Variants in LTBP1 observed in about 807,000 individuals in gnomAD.
LTBP1 encodes latent-transforming growth factor beta-binding protein 1.
In LTBP1, 129 loss-of-function variants were observed where a neutral mutation model predicts 207.6. The observed-to-expected ratio is 0.62, with a 90% CI of 0.54 to 0.72. The LOEUF (loss-of-function observed/expected upper bound fraction) is 0.72. Ranked by LOEUF, LTBP1 falls within the 30% of genes least tolerant of loss-of-function variation. The pLI, the probability that LTBP1 is intolerant of heterozygous loss-of-function variation, is 0.00. For missense variants in LTBP1, 2,281 were observed against 2,217.2 expected, an observed-to-expected ratio of 1.03 and a Z score of -0.58; for synonymous variants, 963 against 833.7, an observed-to-expected ratio of 1.16 and a Z score of -2.67.
chr2:33,243,613 G>T, intron 9 of LTBP1, 49 bp from the exon 10 acceptor site: 1 of 1,597,186 alleles, frequency 6.3e-7, no homozygotes, highest in Non-Finnish European at 8.6e-7. Flanking sequence ...GCCAGAATCT[G>T]CTCAATGGGG....
At chr2:33,168,399 C>CAAAAAAAA (rs10616798) in intron 5 of LTBP1, among the ~76,000 whole-genome samples, 5 of 103,772 alleles carry the variant, frequency 4.8e-5, no homozygotes, top group Non-Finnish European at 7.9e-5. Flanking sequence ...GTCTTTGTCT[C>CAAAAAAAA]AAAAAAAAAA....
intron 3 of LTBP1, among the ~76,000 whole-genome samples, chr2:33,067,567 A>G (rs989572817): frequency 2.0e-5 from 3 of 152,264 alleles, no homozygotes; most frequent in African/African-American, 7.2e-5. Flanking sequence ...AACAAATGGC[A>G]TCTGTACTGA....
intron 20 of LTBP1, among the ~76,000 whole-genome samples, chr2:33,295,859 C>T (rs185846282): frequency 2.0e-5 from 3 of 152,262 alleles, no homozygotes; most frequent in Admixed American, 6.5e-5. Flanking sequence ...CTGTAAGAAT[C>T]GAGGCCTCTT....
chr2:33,237,344 T>C (rs933697844), intron 9 of LTBP1, among the ~76,000 whole-genome samples: 4 of 152,226 alleles, frequency 2.6e-5, no homozygotes, highest in African/African-American at 9.6e-5. Context: ...AGAACCCCTC[T>C]TTTAGCAGAG....
In LTBP1 at chr2:33,117,221, G is replaced by C. The variant is rs151195509; in HGVS notation, c.1033+6470G>C. Among the ~76,000 whole-genome samples, 499 of 152,330 alleles carry C rather than the reference G, an allele frequency of 3.3e-3. 5 individuals are homozygous for C. The highest frequency in any genetic ancestry group is 0.011 in the African/African-American group (459 of 41,580). The stretch of plus-strand genomic sequence containing the variant: ...CGCAGTCCATAGTTCCACACTAAGA[G>C]AAGTACGGCTGCTTTGGACACACGA... On this transcript the variant is annotated intron_variant, in intron 4 of 33. Coordinates refer to ENST00000404816, the MANE Select transcript of LTBP1 (RefSeq NM_206943.4).
At chr2:33,008,981 GT>G (rs1687309404) in intron 2 of LTBP1, among the ~76,000 whole-genome samples, 1 of 152,220 alleles carries the variant, frequency 6.6e-6, no homozygotes, top group Non-Finnish European at 1.5e-5. Flanking sequence ...ACTCAAGGGA[GT>G]GCAAGGAAAT....
intron 19 of LTBP1, among the ~76,000 whole-genome samples, chr2:33,289,864 G>C (rs2093739500): frequency 6.6e-6 from 1 of 152,278 alleles, no homozygotes; most frequent in East Asian, 1.9e-4. Flanking sequence ...CTCTGCTTCA[G>C]GGAAAAGGCA....
chr2:33,167,438 A>G (rs962259251), intron 5 of LTBP1, among the ~76,000 whole-genome samples: 7 of 152,076 alleles, frequency 4.6e-5, no homozygotes, highest in African/African-American at 1.4e-4. Context: ...GGGATGAGCA[A>G]CTGAAAAAGA....
Position 33,079,660 on chromosome 2 carries a change from T to G in LTBP1, c.864-30922T>G, listed in dbSNP as rs1300966012. ...AAATAACCAGTTGCACCCTGCTTTC[T>G]GTGGCACTGCAGACTTCTCCCAGTT... On this transcript the variant is annotated intron_variant, in intron 3 of 33. Coordinates refer to ENST00000404816, the MANE Select transcript of LTBP1 (RefSeq NM_206943.4). 2.6e-5 allele frequency among the ~76,000 whole-genome samples: 4 copies of G among 152,176 alleles called. No homozygotes were observed. The East Asian group carries it at 7.7e-4, about 29-fold the overall frequency.
At chr2:33,323,890 G>C (rs1160666262) in intron 24 of LTBP1, among the ~76,000 whole-genome samples, 2 of 152,112 alleles carry the variant, frequency 1.3e-5, no homozygotes, top group Admixed American at 1.3e-4. Context: ...GTGTAGTAGT[G>C]GCTAAGAAGT....
At chr2:33,272,863 GT>G (rs1191443621) in intron 15 of LTBP1, among the ~76,000 whole-genome samples, 4 of 151,200 alleles carry the variant, frequency 2.6e-5, no homozygotes, top group South Asian at 2.1e-4. Flanking sequence ...GAGTCCTTGG[GT>G]TTTTTTTTGA....
intron 26 of LTBP1, among the ~76,000 whole-genome samples, chr2:33,354,695 C>A (rs1446973558): frequency 9.2e-6 from 1 of 108,704 alleles, no homozygotes; most frequent in East Asian, 3.0e-4. Flanking sequence ...CACACACACA[C>A]ACACACACAC....
Position 33,309,249 on chromosome 2 carries a change from C to G in LTBP1, c.3482-185C>G, listed in dbSNP as rs141401668. Among the ~76,000 whole-genome samples, 249 of 148,528 alleles carry G rather than the reference C, an allele frequency of 1.7e-3. 2 individuals carry two copies. The highest frequency in any genetic ancestry group is 5.9e-3 in the African/African-American group (237 of 40,136). On this transcript the variant is annotated intron_variant, in intron 22 of 33. Coordinates refer to ENST00000404816, the MANE Select transcript of LTBP1 (RefSeq NM_206943.4). ...AGTGAGCCAAGATAGCGCCACTGCA[C>G]TCCAGCATGGGTGATGGCAAGACTC...
At chr2:33,258,515 C>T (rs762436607) in intron 12 of LTBP1, among the ~76,000 whole-genome samples, 2 of 152,154 alleles carry the variant, frequency 1.3e-5, no homozygotes, top group Non-Finnish European at 2.9e-5. Flanking sequence ...CTTTCACTCA[C>T]TGCATTTCTT....
chr2:33,345,096 C>T (rs911407071), intron 25 of LTBP1, among the ~76,000 whole-genome samples: 16 of 152,222 alleles, frequency 1.1e-4, no homozygotes, highest in Admixed American at 5.2e-4. Flanking sequence ...ACCTATGATA[C>T]GCACTTCACA....
rs1029286061 is a variant in LTBP1 at position 33,154,352 on chromosome 2, A to G, written c.1201+19392A>G. 9.2e-5 allele frequency among the ~76,000 whole-genome samples: 14 copies of G among 152,224 alleles called. 1 individual carries two copies. The South Asian group carries it at 2.1e-3, about 23-fold the overall frequency. Reference sequence around the variant, plus strand: ...GTTTTCTTCCCATTTTTGTATTCCAAACACTCATTTCTCCTTCCCAGTGAG... The same window carrying G: ...GTTTTCTTCCCATTTTTGTATTCCAGACACTCATTTCTCCTTCCCAGTGAG... On this transcript the variant is annotated intron_variant, in intron 5 of 33. Coordinates refer to ENST00000404816, the MANE Select transcript of LTBP1 (RefSeq NM_206943.4).
rs749052544 is a variant in LTBP1 at position 33,188,789 on chromosome 2, G to T, written c.1639G>T (p.Val547Phe). ...CTCCCACCAGCAGGTCATTCCTCACGTCTACCCCGTGGCTGCTAAGACACA... is the reference window on the plus strand; with the variant it reads ...CTCCCACCAGCAGGTCATTCCTCACTTCTACCCCGTGGCTGCTAAGACACA... ...TYSHQQVIPH[V>F]YPVAAKTQLG... The change falls in exon 7 of 34, where the codon GTC becomes TTC. Residue 547 changes from valine (V) to phenylalanine (F), a missense_variant. Coordinates refer to ENST00000404816, the MANE Select transcript of LTBP1 (RefSeq NM_206943.4). 2 of 1,614,068 alleles carry T rather than the reference G, an allele frequency of 1.2e-6. No individual in the cohort carries two copies. The highest frequency in any genetic ancestry group is 2.2e-5 in the South Asian group (2 of 91,072).
chr2:33,197,006 G>C (rs907497000), intron 7 of LTBP1, among the ~76,000 whole-genome samples: 11 of 152,162 alleles, frequency 7.2e-5, no homozygotes, highest in Non-Finnish European at 1.5e-4. Context: ...CCTTGACAGA[G>C]AATGCCAACC....
At chr2:33,147,674 C>T (rs999402850) in intron 5 of LTBP1, among the ~76,000 whole-genome samples, 2 of 152,296 alleles carry the variant, frequency 1.3e-5, no homozygotes, top group East Asian at 1.9e-4. Context: ...TGCGAGGCAG[C>T]GTCTCAGGCA....
Sources: allele counts gnomAD v4.1 joint callset (sites outside exome capture counted in the v4.1 genomes callset), GRCh38; gene constraint gnomAD v4.1.1; transcripts MANE v1.5; gene names NCBI Gene and HGNC (gene_info 2026-07-23, HGNC 2026-07-21).